The following RIT2 variants were observed in gnomAD, a reference collection of about 807,000 sequenced individuals.
RIT2 encodes GTP-binding protein Rit2.
RIT2 carries 24 observed loss-of-function variants against 23.7 expected under a neutral mutation model. That is an observed-to-expected ratio of 1.01 (90% CI 0.73 to 1.43). RIT2 has a LOEUF of 1.43. RIT2 is among the 40% of genes most tolerant of loss of function. The probability of loss-of-function intolerance (pLI) is 0.00; values close to 1 mark genes in which losing one functional copy is unlikely to be tolerated. For missense variants in RIT2, 236 were observed against 266.9 expected (o/e 0.88, Z 0.81); for synonymous variants, 107 against 91.1 (o/e 1.17, Z -0.99).
intron 4 of RIT2, among the ~76,000 whole-genome samples, chr18:42,870,819 T>G (rs1907603486): frequency 6.6e-6 from 1 of 152,208 alleles, no homozygotes; most frequent in Admixed American, 6.5e-5. Flanking sequence ...AAGTTTAGCC[T>G]TAAATCTTAG....
At chr18:42,832,134 A>C (rs1408970115) in intron 4 of RIT2, among the ~76,000 whole-genome samples, 1 of 152,224 alleles carries the variant, frequency 6.6e-6, no homozygotes, top group Admixed American at 6.5e-5. Context: ...AAATAGGCTG[A>C]AAATGGGAAA....
chr18:42,837,042 T>C (rs998529867), intron 4 of RIT2, among the ~76,000 whole-genome samples: 6 of 151,480 alleles, frequency 4.0e-5, no homozygotes, highest in African/African-American at 1.5e-4. Context: ...ACAGTCCTAA[T>C]GCACACCCAC....
chr18:43,026,616 GAAAGAAAGAAAGAAAGAA>G (rs1344788903), intron 2 of RIT2, among the ~76,000 whole-genome samples: 111 of 141,420 alleles, frequency 7.8e-4, no homozygotes, highest in Admixed American at 1.1e-3. Flanking sequence ...AAGAAAGAAA[GAAAGAAAGAAAGAAAGAA>G]AGAGAGAAAG....
At chr18:42,790,428 C>G (rs975028630) in intron 4 of RIT2, among the ~76,000 whole-genome samples, 2 of 152,126 alleles carry the variant, frequency 1.3e-5, no homozygotes, top group East Asian at 3.9e-4. Flanking sequence ...CACGAAAATA[C>G]CTTAATTTAC....
chr18:43,088,271 C>T (rs1042869160), intron 1 of RIT2, among the ~76,000 whole-genome samples: 3 of 151,974 alleles, frequency 2.0e-5, no homozygotes, highest in Non-Finnish European at 4.4e-5. Context: ...TGCAGTTGCC[C>T]AACATTTACA....
At chr18:43,047,754 T>C (rs887756747) in intron 1 of RIT2, among the ~76,000 whole-genome samples, 6 of 152,138 alleles carry the variant, frequency 3.9e-5, no homozygotes, top group African/African-American at 1.4e-4. Flanking sequence ...AGCCATGAAA[T>C]GGAGCATGGT....
chr18:42,871,333 T>C (rs1409520500), intron 4 of RIT2, among the ~76,000 whole-genome samples: 3 of 152,184 alleles, frequency 2.0e-5, no homozygotes, highest in Non-Finnish European at 4.4e-5. Flanking sequence ...ACTTACATAG[T>C]CTTGTAAAAT....
At position 43,042,658 on chromosome 18, in the gene RIT2, A is replaced by C. The variant is rs114936618; in HGVS notation, c.104-8791T>G. Among the ~76,000 whole-genome samples, 430 of 152,336 alleles carry C rather than the reference A, an allele frequency of 2.8e-3. 3 individuals are homozygous for C. The highest frequency in any genetic ancestry group is 9.7e-3 in the African/African-American group (403 of 41,576). On this transcript the variant is annotated intron_variant, in intron 1 of 4. Transcript: ENST00000326695. Reference sequence around the variant, plus strand: ...CCTTGCTGGCATTCTTTCATTCAAAAATAGTATGTGTCAGACGCTGTTTAG... The same window carrying C: ...CCTTGCTGGCATTCTTTCATTCAAACATAGTATGTGTCAGACGCTGTTTAG...
chr18:43,057,307 C>G, intron 1 of RIT2, among the ~76,000 whole-genome samples: 1 of 152,062 alleles, frequency 6.6e-6, no homozygotes, highest in East Asian at 1.9e-4. Context: ...ATCACAGAGG[C>G]CTGTAGCCCT....
intron 4 of RIT2, among the ~76,000 whole-genome samples, chr18:42,756,777 G>A (rs1398663745): frequency 6.6e-6 from 1 of 151,812 alleles, no homozygotes; most frequent in Non-Finnish European, 1.5e-5. Flanking sequence ...CAGGGGATTG[G>A]TTATTGTGAA....
At chr18:42,780,046 G>GTT (rs1913770536) in intron 4 of RIT2, among the ~76,000 whole-genome samples, 4 of 50,592 alleles carry the variant, frequency 7.9e-5, no homozygotes, top group Non-Finnish European at 1.8e-4. Context: ...TCAATTTAGA[G>GTT]GTTTTTTTTT....
chr18:43,058,501 C>A (rs144109925), intron 1 of RIT2, among the ~76,000 whole-genome samples: 1 of 152,098 alleles, frequency 6.6e-6, no homozygotes. Flanking sequence ...AGATTTGATA[C>A]GTCCTTGTGT....
chr18:42,986,396 C>T (rs1367663198), intron 2 of RIT2, among the ~76,000 whole-genome samples: 1 of 151,934 alleles, frequency 6.6e-6, no homozygotes, highest in African/African-American at 2.4e-5. Context: ...GAAGGGCAGG[C>T]AAAAGACTTA....
At chr18:42,930,958 G>T (rs532744742) in intron 3 of RIT2, among the ~76,000 whole-genome samples, 2 of 152,248 alleles carry the variant, frequency 1.3e-5, no homozygotes, top group South Asian at 2.1e-4. Flanking sequence ...TATAAAAATG[G>T]TTTTTGACAG....
At chr18:43,034,085 T>C (rs1316663898) in intron 1 of RIT2, among the ~76,000 whole-genome samples, 2 of 152,080 alleles carry the variant, frequency 1.3e-5, no homozygotes, top group African/African-American at 2.4e-5. Context: ...ATAAATATGT[T>C]CAAATTTTAA....
At chr18:43,004,171 G>A (rs897027089) in intron 2 of RIT2, among the ~76,000 whole-genome samples, 1 of 151,880 alleles carries the variant, frequency 6.6e-6, no homozygotes, top group East Asian at 2.0e-4. Flanking sequence ...TCATATTACT[G>A]TATTTAAATC....
intron 2 of RIT2, among the ~76,000 whole-genome samples, chr18:43,008,710 G>C (rs898032393): frequency 1.3e-5 from 2 of 151,406 alleles, no homozygotes; most frequent in Non-Finnish European, 3.0e-5. Flanking sequence ...ATTATCATGA[G>C]CTGTGAGAAA....
chr18:42,773,829 G>C (rs1420814965), intron 4 of RIT2, among the ~76,000 whole-genome samples: 1 of 152,062 alleles, frequency 6.6e-6, no homozygotes, highest in Non-Finnish European at 1.5e-5. Context: ...GCATTAACTA[G>C]ATATACCATG....
intron 3 of RIT2, among the ~76,000 whole-genome samples, chr18:42,953,425 G>A (rs111626707): frequency 8.8e-4 from 134 of 152,218 alleles, no homozygotes; most frequent in African/African-American, 3.1e-3. Flanking sequence ...TGATACAGAG[G>A]TAAGGCCAGG....
Sources: allele counts gnomAD v4.1 joint callset (sites outside exome capture counted in the v4.1 genomes callset), GRCh38; gene constraint gnomAD v4.1.1; transcripts MANE v1.5; gene names NCBI Gene and HGNC (gene_info 2026-07-23, HGNC 2026-07-21).